COL24A1: variants seen among roughly 807,000 people sequenced by gnomAD.
COL24A1 encodes the protein collagen alpha-1(XXIV) chain.
Under a neutral mutation model 253.9 loss-of-function variants are expected in COL24A1, and 224 were observed. That is an observed-to-expected ratio of 0.88 (90% CI 0.79 to 0.99). The LOEUF is 0.99. Ranked by LOEUF, COL24A1 falls within the 50% of genes least tolerant of loss-of-function variation. The probability of loss-of-function intolerance (pLI) is 0.00; values close to 1 mark genes in which losing one functional copy is unlikely to be tolerated. For synonymous variants in COL24A1, 685 were observed against 673.7 expected (o/e 1.02, Z -0.26); for missense variants, 2,131 against 2,068.5 (o/e 1.03, Z -0.59).
chr1:85,738,047 AATT>A (rs1038336775), intron 57 of COL24A1, among the ~76,000 whole-genome samples: 2 of 152,178 alleles, frequency 1.3e-5, no homozygotes, highest in East Asian at 1.9e-4. Context: ...AATTTTAATC[AATT>A]ATGATTAAAT....
intron 5 of COL24A1, among the ~76,000 whole-genome samples, chr1:86,109,552 T>C (rs1705332688): frequency 6.6e-6 from 1 of 152,202 alleles, no homozygotes. Flanking sequence ...GCCATTCAAA[T>C]TGAAAGAGTT....
chr1:85,977,994 C>T (rs1183760150), intron 20 of COL24A1, among the ~76,000 whole-genome samples: 1 of 152,082 alleles, frequency 6.6e-6, no homozygotes, highest in Admixed American at 6.5e-5. Flanking sequence ...ATCAGGTAGC[C>T]TATAAAGGAA....
At chr1:85,844,835 G>A (rs551339441) in intron 39 of COL24A1, among the ~76,000 whole-genome samples, 63 of 151,868 alleles carry the variant, frequency 4.1e-4, no homozygotes, top group South Asian at 6.2e-4. Context: ...AATAACATTT[G>A]GCTCAGATTG....
intron 24 of COL24A1, among the ~76,000 whole-genome samples, chr1:85,949,798 A>T (rs556014317): frequency 6.6e-6 from 1 of 152,108 alleles, no homozygotes; most frequent in Non-Finnish European, 1.5e-5. Context: ...TGATCTCCTT[A>T]CGCTACAGGA....
intron 19 of COL24A1, among the ~76,000 whole-genome samples, chr1:86,008,888 T>C (rs1433285432): frequency 2.1e-5 from 3 of 145,564 alleles, no homozygotes; most frequent in African/African-American, 5.4e-5. Flanking sequence ...CCCCTTTTAC[T>C]ATAACAACAA....
At chr1:85,823,513 T>A in intron 45 of COL24A1, 23 bp downstream of exon 45, 1 of 1,611,434 alleles carries the variant, frequency 6.2e-7, no homozygotes, top group Non-Finnish European at 8.5e-7. Context: ...CATCTCAAAT[T>A]GCCTTAAATA....
chr1:86,079,842 A>G (rs945253174), intron 7 of COL24A1, among the ~76,000 whole-genome samples: 1 of 152,184 alleles, frequency 6.6e-6, no homozygotes, highest in African/African-American at 2.4e-5. Flanking sequence ...TAGTACAACC[A>G]TTATGGAAAA....
intron 20 of COL24A1, among the ~76,000 whole-genome samples, chr1:85,975,501 T>C (rs1349493212): frequency 1.3e-5 from 2 of 152,064 alleles, no homozygotes; most frequent in African/African-American, 4.8e-5. Flanking sequence ...TTAAGTGAAA[T>C]AAGCCAGACA....
intron 31 of COL24A1, among the ~76,000 whole-genome samples, chr1:85,891,252 G>T (rs1319351770): frequency 1.4e-5 from 2 of 144,724 alleles, no homozygotes; most frequent in East Asian, 4.1e-4. Context: ...TTTTGGTAGA[G>T]ACAGAGTTTC....
chr1:85,776,955 AT>A (rs561997139), intron 52 of COL24A1, among the ~76,000 whole-genome samples: 6 of 149,692 alleles, frequency 4.0e-5, no homozygotes, highest in African/African-American at 4.9e-5. Context: ...TTATTTACTT[AT>A]TTTTTTTTTT....
At chr1:85,775,641 G>T (rs775603305) in intron 53 of COL24A1, 33 bp downstream of exon 53, 60 of 1,584,314 alleles carry the variant, frequency 3.8e-5, no homozygotes, top group Admixed American at 1.2e-4. Context: ...CTAGTGTCAG[G>T]GTTACTATAA....
At chr1:85,771,207 C>T (rs931894682) in intron 53 of COL24A1, among the ~76,000 whole-genome samples, 4 of 152,068 alleles carry the variant, frequency 2.6e-5, no homozygotes, top group African/African-American at 9.7e-5. Flanking sequence ...CACCTATCAA[C>T]CCATCACCTA....
chr1:85,889,997 C>T (rs1436249880), intron 31 of COL24A1, among the ~76,000 whole-genome samples: 1 of 152,058 alleles, frequency 6.6e-6, no homozygotes, highest in Admixed American at 6.5e-5. Flanking sequence ...TTAGTGAGAT[C>T]ATACAATATC....
At position 86,057,995 on chromosome 1, in the gene COL24A1, T is replaced by C. The variant is rs775282463; in HGVS notation, c.1807-20A>G. On this transcript the variant is annotated intron_variant, in intron 9 of 59. Transcript: ENST00000370571. ...TAAACCCTGGTGTAAACAAAAGACA[T>C]TGTCATCATACTACAGTACTTTTTA... 3.9e-5 allele frequency: 62 copies of C among 1,607,592 alleles called. No homozygotes were observed. The highest frequency in any genetic ancestry group is 5.1e-5 in the Non-Finnish European group (60 of 1,175,334).
intron 19 of COL24A1, among the ~76,000 whole-genome samples, chr1:86,001,617 T>G (rs1236550757): frequency 6.6e-6 from 1 of 152,206 alleles, no homozygotes; most frequent in Non-Finnish European, 1.5e-5. Context: ...CATAATCATT[T>G]ACTGCTGGGA....
At chr1:85,892,138 A>G (rs1683202209) in intron 31 of COL24A1, among the ~76,000 whole-genome samples, 1 of 152,174 alleles carries the variant, frequency 6.6e-6, no homozygotes. Context: ...TAATTTGTAC[A>G]AAGTCAAGAC....
At chr1:86,036,164 CG>C (rs1475605856) in intron 12 of COL24A1, among the ~76,000 whole-genome samples, 1 of 151,586 alleles carries the variant, frequency 6.6e-6, no homozygotes, top group African/African-American at 2.4e-5. Flanking sequence ...TTATTATTAT[CG>C]TTGTCGAGAT....
chr1:86,070,107 T>C (rs1701770802), intron 7 of COL24A1, among the ~76,000 whole-genome samples: 1 of 152,102 alleles, frequency 6.6e-6, no homozygotes, highest in South Asian at 2.1e-4. Flanking sequence ...CAGAATGCTG[T>C]CAGAAAAATT....
intron 19 of COL24A1, among the ~76,000 whole-genome samples, chr1:85,991,184 G>A (rs1273218479): frequency 6.6e-6 from 1 of 152,100 alleles, no homozygotes; most frequent in Non-Finnish European, 1.5e-5. Flanking sequence ...CCAATTTGCA[G>A]GAAACACACA....
Sources: allele counts gnomAD v4.1 joint callset (sites outside exome capture counted in the v4.1 genomes callset), GRCh38; gene constraint gnomAD v4.1.1; transcripts MANE v1.5; gene names NCBI Gene and HGNC (gene_info 2026-07-23, HGNC 2026-07-21).